The following ALAD variants were observed in gnomAD, a reference collection of about 807,000 sequenced individuals.
ALAD encodes the protein delta-aminolevulinic acid dehydratase.
In ALAD, 20 loss-of-function variants were observed where a neutral mutation model predicts 44.4. The ratio of observed to expected loss-of-function variants is 0.45; its 90% CI spans 0.32 to 0.65. The LOEUF is 0.65. Among genes scored for constraint, ALAD ranks in the 30% least tolerant of loss-of-function variants. The probability of loss-of-function intolerance (pLI) is 0.05; values close to 1 mark genes in which losing one functional copy is unlikely to be tolerated. For missense variants in ALAD, 323 were observed against 445.7 expected (o/e 0.72, Z 2.48); for synonymous variants, 156 against 167.9 (o/e 0.93, Z 0.55).
Position 113,391,075 on chromosome 9 carries a change from C to A in ALAD, c.262-142G>T, listed in dbSNP as rs1414922711. 53 of 1,120,748 alleles carry A rather than the reference C, an allele frequency of 4.7e-5. No individual in the cohort carries two copies. The South Asian group carries it at 7.4e-4, about 16-fold the overall frequency. 69.4% of individuals were successfully genotyped at this position (1,120,748 alleles called of 1,614,324 possible). On this transcript the variant is annotated intron_variant, in intron 4 of 11. Transcript: ENST00000409155. ...TGGATAAGGAAGCACAGAGGACTGA[C>A]CCTACATGGGTGCTGACTTAAGGGC...
chr9:113,399,705 T>C (rs1359269795), intron 1 of ALAD, among the ~76,000 whole-genome samples: 1 of 152,122 alleles, frequency 6.6e-6, no homozygotes, highest in Non-Finnish European at 1.5e-5. Context: ...CAGGAGGGGC[T>C]ATGAGCTTCA....
intron 1 of ALAD, among the ~76,000 whole-genome samples, chr9:113,398,324 G>A (rs1323045730): frequency 2.0e-5 from 3 of 152,172 alleles, no homozygotes; most frequent in Non-Finnish European, 2.9e-5. Flanking sequence ...GTTGAAGAGA[G>A]GTCTAATCTC....
chr9:113,400,722 T>C lies in ALAD; in HGVS notation c.-76+490A>G, dbSNP rs534188211. The stretch of plus-strand genomic sequence containing the variant: ...CTGTAATCCCAGCTAGTTGGCAGGC[T>C]GAGGCAGGAGAATCGCTTGAACCCG... On this transcript the variant is annotated intron_variant, in intron 1 of 11. Transcript: ENST00000409155. 1.6e-4 allele frequency among the ~76,000 whole-genome samples: 25 copies of C among 152,244 alleles called. No individual in the cohort carries two copies. The East Asian group carries it at 4.8e-3, about 29-fold the overall frequency.
chr9:113,399,352 T>C (rs1827804908), intron 1 of ALAD, among the ~76,000 whole-genome samples: 1 of 152,218 alleles, frequency 6.6e-6, no homozygotes, highest in Non-Finnish European at 1.5e-5. Flanking sequence ...TGGAACGAGA[T>C]GTCCTGGCAC....
chr9:113,387,812 C>G lies in ALAD; in HGVS notation c.*488G>C, dbSNP rs1827440829. 1.9e-5 allele frequency: 4 copies of G among 210,996 alleles called. No homozygotes were observed. The highest frequency in any genetic ancestry group is 6.9e-5 in the African/African-American group (3 of 43,770). The allele number at this position is 210,996 out of a possible 1,614,324, so 13.1% of individuals were successfully genotyped here. A position where few individuals can be genotyped will look rare whatever the true frequency, so the allele number is the denominator to read the frequency against. ...GCAACCTCTGGCCTCGTGGGAAATGCCTTCCAGTGGAATTGCGGCAAATTT... is the reference window on the plus strand; with the variant it reads ...GCAACCTCTGGCCTCGTGGGAAATGGCTTCCAGTGGAATTGCGGCAAATTT... On this transcript the variant is annotated 3_prime_UTR_variant, in exon 12 of 12. Transcript: ENST00000409155.
rs1827393980 is a variant in ALAD, at chr9:113,386,343, T to G, written c.*1957A>C. ...TCAAATATTGAATTTTTATTCAAAA[T>G]TCTTTACAACTTTATTACAATATAG... On this transcript the variant is annotated 3_prime_UTR_variant, in exon 12 of 12. Coordinates refer to ENST00000409155, the MANE Select transcript of ALAD (RefSeq NM_000031.6). 6.6e-6 allele frequency: 1 copy of G among 152,242 alleles called. No individual in the cohort carries two copies. Among genetic ancestry groups the G allele is most frequent in the Non-Finnish European group, 1.5e-5 (1 of 68,046 alleles). The allele number at this position is 152,242 out of a possible 1,614,324, so 9.4% of individuals were successfully genotyped here.
chr9:113,390,218 C>T (rs1169968927), intron 7 of ALAD, among the ~76,000 whole-genome samples, 187 bp downstream of exon 7: 3 of 152,106 alleles, frequency 2.0e-5, no homozygotes, highest in Non-Finnish European at 4.4e-5. Flanking sequence ...GATGGGGTTT[C>T]ACCATGTTGG....
At chr9:113,392,002 C>G in intron 3 of ALAD, 117 bp downstream of exon 3, 2 of 1,052,942 alleles carry the variant, frequency 1.9e-6, no homozygotes, top group Non-Finnish European at 2.9e-6. Flanking sequence ...CTCTACTGAG[C>G]TAATGTCTGT....
At chr9:113,392,761 T>C (rs1450386301) in intron 2 of ALAD, among the ~76,000 whole-genome samples, 2 of 151,840 alleles carry the variant, frequency 1.3e-5, no homozygotes, top group Admixed American at 6.6e-5. Context: ...ACCTGGTAGA[T>C]AGTAAGTACT....
At chr9:113,399,040 C>T (rs957263682) in intron 1 of ALAD, among the ~76,000 whole-genome samples, 2 of 152,202 alleles carry the variant, frequency 1.3e-5, no homozygotes, top group African/African-American at 4.8e-5. Context: ...CCAGGAGGTC[C>T]AGCACCTCTG....
At chr9:113,397,201 C>T (rs1827753547) in intron 1 of ALAD, 1 of 152,246 alleles carries the variant, frequency 6.6e-6, no homozygotes, top group African/African-American at 2.4e-5. Flanking sequence ...GTAACAGGTC[C>T]TTGGCTTCTG....
In ALAD at chr9:113,388,218, G is replaced by T. The variant is rs1409876537; in HGVS notation, c.*82C>A. On this transcript the variant is annotated 3_prime_UTR_variant, in exon 12 of 12. Transcript: ENST00000409155. ...AGGGCATGAGGGCACAGTTCTAAAAGCAGCATTTACTTTGGTTTTCACTTG... is the reference window on the plus strand; with the variant it reads ...AGGGCATGAGGGCACAGTTCTAAAATCAGCATTTACTTTGGTTTTCACTTG... 3.5e-6 allele frequency: 5 copies of T among 1,423,752 alleles called. No individual in the cohort carries two copies. The African/African-American group carries it at 4.2e-5, about 12-fold the overall frequency. 88.2% of individuals were successfully genotyped at this position (1,423,752 alleles called of 1,614,324 possible). A position where few individuals can be genotyped will look rare whatever the true frequency, so the allele number is the denominator to read the frequency against.
chr9:113,389,290 C>A, intron 10 of ALAD, 148 bp downstream of exon 10: 1 of 1,306,024 alleles, frequency 7.7e-7, no homozygotes, highest in Non-Finnish European at 1.1e-6. Context: ...CAAGCCCCGA[C>A]ATAGAAGGCC....
At chr9:113,394,187 G>C (rs1370133732) in intron 1 of ALAD, among the ~76,000 whole-genome samples, 5 of 150,610 alleles carry the variant, frequency 3.3e-5, no homozygotes, top group Non-Finnish European at 3.0e-5. Flanking sequence ...CAATCTGCCT[G>C]CCTCAGCCTC....
At chr9:113,391,691 A>G in intron 3 of ALAD, 68 bp from the exon 4 acceptor site, 1 of 1,293,628 alleles carries the variant, frequency 7.7e-7, no homozygotes. Context: ...GGACCCCACC[A>G]CACTGTGTGC....
In ALAD at chr9:113,400,957, C is replaced by G. The variant is rs1827838072; in HGVS notation, c.-76+255G>C. 2.0e-5 allele frequency among the ~76,000 whole-genome samples: 3 copies of G among 152,220 alleles called. No individual in the cohort carries two copies. The South Asian group carries it at 6.2e-4, about 31-fold the overall frequency. Reference sequence around the variant, plus strand: ...ACCTCGGGTTCTGCATCGATGGAGTCTGCCCAGGCGGTATCCGAGAGGGTG... The same window carrying G: ...ACCTCGGGTTCTGCATCGATGGAGTGTGCCCAGGCGGTATCCGAGAGGGTG... On this transcript the variant is annotated intron_variant, in intron 1 of 11. Transcript: ENST00000409155.
Position 113,389,075 on chromosome 9 carries a change from A to G in ALAD, c.833T>C (p.Val278Ala). ...CCACAGCATGGCAAACTCTCCAGAG[A>G]CGTGGTACACGGCGAGAGGGAGGTC... ...HPDLPLAVYH[V>A]SGEFAMLWHG... Residue 278 changes from valine (V) to alanine (A), a missense_variant, in exon 11 of 12, where the codon GTC becomes GCC. By Grantham distance (64) the Val-to-Ala change is moderately conservative (BLOSUM62 0). Coordinates refer to ENST00000409155, the MANE Select transcript of ALAD (RefSeq NM_000031.6). 1 of 1,613,966 alleles carries G rather than the reference A, an allele frequency of 6.2e-7. No homozygotes were observed. Among genetic ancestry groups the G allele is most frequent in the African/African-American group, 1.3e-5 (1 of 75,052 alleles).
chr9:113,395,957 G>C (rs992436418), intron 1 of ALAD, among the ~76,000 whole-genome samples: 1 of 152,216 alleles, frequency 6.6e-6, no homozygotes, highest in South Asian at 2.1e-4. Flanking sequence ...ACTTTGGGAG[G>C]CCGAGGTGGG....
intron 7 of ALAD, among the ~76,000 whole-genome samples, 192 bp from the exon 8 acceptor site, chr9:113,390,020 TC>T (rs1827524740): frequency 6.6e-6 from 1 of 151,594 alleles, no homozygotes; most frequent in South Asian, 2.1e-4. Flanking sequence ...TCCAGCACTG[TC>T]TTCAGTTCTG....
Sources: allele counts gnomAD v4.1 joint callset (sites outside exome capture counted in the v4.1 genomes callset), GRCh38; gene constraint gnomAD v4.1.1; transcripts MANE v1.5; gene names NCBI Gene and HGNC (gene_info 2026-07-23, HGNC 2026-07-21).